Variants in SLC41A2 observed in about 807,000 individuals in gnomAD.
The protein encoded by SLC41A2 is solute carrier family 41 member 2.
SLC41A2 carries 32 observed loss-of-function variants against 58.3 expected under a neutral mutation model. The observed-to-expected ratio is 0.55, with a 90% CI of 0.41 to 0.74. The LOEUF (loss-of-function observed/expected upper bound fraction) is 0.74, where lower values mean the gene tolerates loss of function less well. Among genes scored for constraint, SLC41A2 ranks in the 30% least tolerant of loss-of-function variants. The pLI is 0.00. For missense variants in SLC41A2, 514 were observed against 680.6 expected, an observed-to-expected ratio of 0.76 and a Z score of 2.72; for synonymous variants, 190 against 235.0, an observed-to-expected ratio of 0.81 and a Z score of 1.75.
rs1360510705 is a variant in SLC41A2 at position 104,920,969 on chromosome 12, T to G, written c.555+7004A>C. On this transcript the variant is annotated intron_variant, in intron 2 of 10. Transcript: ENST00000258538. ...ATAATAATAATAATAAAAAATTAGC[T>G]GGGTATGGTGTCACATGCCTGTGGT... 2.0e-5 allele frequency among the ~76,000 whole-genome samples: 3 copies of G among 151,528 alleles called. No individual in the cohort carries two copies. The South Asian group carries it at 6.3e-4, about 32-fold the overall frequency.
Position 104,847,576 on chromosome 12 carries a change from G to T in SLC41A2, c.1256-1602C>A, listed in dbSNP as rs967878153. Reference sequence around the variant, plus strand: ...GCTGAGATCACACCACTGCACTCCAGCCTGACGACAGAGTGAGACTCTGTC... The same window carrying T: ...GCTGAGATCACACCACTGCACTCCATCCTGACGACAGAGTGAGACTCTGTC... On this transcript the variant is annotated intron_variant, in intron 8 of 10. Coordinates refer to ENST00000258538, the MANE Select transcript of SLC41A2 (RefSeq NM_001352171.3). Among the ~76,000 whole-genome samples, 3 of 136,212 alleles carry T rather than the reference G, an allele frequency of 2.2e-5. No individual in the cohort carries two copies. The East Asian group carries it at 6.7e-4, about 30-fold the overall frequency. 89.4% of individuals were successfully genotyped at this position (136,212 alleles called of 152,430 possible).
chr12:104,916,847 G>A (rs1189827082), intron 2 of SLC41A2, among the ~76,000 whole-genome samples: 1 of 151,948 alleles, frequency 6.6e-6, no homozygotes, highest in Non-Finnish European at 1.5e-5. Flanking sequence ...AGACTTAAAT[G>A]TTAGACCTAA....
intron 2 of SLC41A2, among the ~76,000 whole-genome samples, chr12:104,913,878 C>A (rs1403347122): frequency 6.6e-6 from 1 of 152,084 alleles, no homozygotes; most frequent in African/African-American, 2.4e-5. Flanking sequence ...TCGAGACCAG[C>A]CTGGCCAATA....
At chr12:104,856,606 G>T (rs2043028708) in intron 8 of SLC41A2, among the ~76,000 whole-genome samples, 1 of 152,032 alleles carries the variant, frequency 6.6e-6, no homozygotes. Context: ...AAGAGAGGAA[G>T]ACATGGGAGA....
At chr12:104,956,993 G>A (rs1417902077) in intron 1 of SLC41A2, among the ~76,000 whole-genome samples, 2 of 152,156 alleles carry the variant, frequency 1.3e-5, no homozygotes, top group Non-Finnish European at 2.9e-5. Context: ...GCTTTGCTTG[G>A]CAGTTCCTCA....
chr12:104,878,434 G>C (rs2044173356), intron 6 of SLC41A2, among the ~76,000 whole-genome samples: 1 of 151,546 alleles, frequency 6.6e-6, no homozygotes, highest in Non-Finnish European at 1.5e-5. Flanking sequence ...TTAACATTAG[G>C]TATTTCTCCC....
chr12:104,940,550 A>T (rs2047469220), intron 1 of SLC41A2, among the ~76,000 whole-genome samples: 1 of 150,124 alleles, frequency 6.7e-6, no homozygotes, highest in Non-Finnish European at 1.5e-5. Flanking sequence ...AAAAAGGCTC[A>T]CCTCTAAAAT....
intron 10 of SLC41A2, among the ~76,000 whole-genome samples, chr12:104,822,317 C>T (rs2041668892): frequency 6.6e-6 from 1 of 152,108 alleles, no homozygotes; most frequent in Admixed American, 6.5e-5. Context: ...TGCCCATAGC[C>T]AAAATGGTCC....
rs1294834029 is a variant in SLC41A2 at position 104,861,175 on chromosome 12, G to A, written c.1255+116C>T. On this transcript the variant is annotated intron_variant, in intron 8 of 10. Transcript: ENST00000258538. Reference sequence around the variant, plus strand: ...AACAACTTGGGGTTGGAGGCAGAATGGTTGGGATGGGAGGACAGACCTCTT... The same window carrying A: ...AACAACTTGGGGTTGGAGGCAGAATAGTTGGGATGGGAGGACAGACCTCTT... The A allele has an allele frequency of 6.5e-6, 4 of 613,216 alleles. No individual in the cohort carries two copies. The East Asian group carries it at 1.2e-4, about 19-fold the overall frequency. The allele number at this position is 613,216 out of a possible 1,614,324, so 38.0% of individuals were successfully genotyped here.
At chr12:104,952,245 T>C (rs1168844372) in intron 1 of SLC41A2, among the ~76,000 whole-genome samples, 1 of 152,210 alleles carries the variant, frequency 6.6e-6, no homozygotes, top group Non-Finnish European at 1.5e-5. Context: ...GAAGATTTGC[T>C]TAGTCTCTAT....
intron 3 of SLC41A2, among the ~76,000 whole-genome samples, chr12:104,903,518 TG>T (rs2045660408): frequency 6.6e-6 from 1 of 152,216 alleles, no homozygotes; most frequent in East Asian, 1.9e-4. Context: ...GCCACACCAC[TG>T]GAGTTTCTAA....
intron 1 of SLC41A2, among the ~76,000 whole-genome samples, chr12:104,957,400 A>ATTACT: frequency 6.6e-6 from 1 of 152,156 alleles, no homozygotes; most frequent in Non-Finnish European, 1.5e-5. Flanking sequence ...GTGATTACTA[A>ATTACT]GAGAGACAGG....
At chr12:104,958,409 C>T (rs1414695834), upstream of SLC41A2, 1 of 150,666 alleles carries the variant, frequency 6.6e-6, no homozygotes, top group Non-Finnish European at 1.5e-5. Flanking sequence ...TGATGTGGCC[C>T]GCGGGGCGGC....
chr12:104,957,834 TCCGCGGTGG>T (rs1341173338), intron 1 of SLC41A2, among the ~76,000 whole-genome samples: 1 of 152,076 alleles, frequency 6.6e-6, no homozygotes, highest in Non-Finnish European at 1.5e-5. Context: ...GGACCGCTTG[TCCGCGGTGG>T]CCGCGGAACA....
rs2040845411 is a variant in SLC41A2, at chr12:104,805,150, T to G, written c.*2A>C. On this transcript the variant is annotated 3_prime_UTR_variant, in exon 11 of 11. Transcript: ENST00000258538. ...TAACTTGAGAGCAGTTTGTAGAATT[T>G]ATTAGTCTCCAACATCTCCATCTCG... 6.2e-7 allele frequency: 1 copy of G among 1,602,854 alleles called. No homozygotes were observed. The highest frequency in any genetic ancestry group is 1.1e-5 in the South Asian group (1 of 89,110).
intron 3 of SLC41A2, among the ~76,000 whole-genome samples, chr12:104,907,241 A>C: frequency 1.7e-5 from 2 of 119,424 alleles, no homozygotes; most frequent in Middle Eastern, 4.5e-3. Flanking sequence ...GCACTTCTTT[A>C]CTTTCTGGCA....
chr12:104,943,084 TA>T (rs1270758217), intron 1 of SLC41A2, among the ~76,000 whole-genome samples: 2 of 152,082 alleles, frequency 1.3e-5, no homozygotes, highest in Non-Finnish European at 2.9e-5. Flanking sequence ...TTTGTATAAT[TA>T]AACTGAAAGT....
At chr12:104,942,460 A>G (rs569473319) in intron 1 of SLC41A2, among the ~76,000 whole-genome samples, 5 of 145,766 alleles carry the variant, frequency 3.4e-5, no homozygotes, top group Admixed American at 2.1e-4. Flanking sequence ...CCTGGGCCAT[A>G]GAGTGAGATC....
chr12:104,939,686 T>G (rs1445182786), intron 1 of SLC41A2, among the ~76,000 whole-genome samples: 2 of 152,232 alleles, frequency 1.3e-5, no homozygotes, highest in Non-Finnish European at 2.9e-5. Context: ...ACACAGGTCA[T>G]TCCTAATTAC....
Sources: allele counts gnomAD v4.1 joint callset (sites outside exome capture counted in the v4.1 genomes callset), GRCh38; gene constraint gnomAD v4.1.1; transcripts MANE v1.5; gene names NCBI Gene and HGNC (gene_info 2026-07-23, HGNC 2026-07-21).